The following MRPS28 variants were observed in gnomAD, a reference collection of about 807,000 sequenced individuals.
MRPS28 encodes small ribosomal subunit protein bS1m.
Under a neutral mutation model 10.8 loss-of-function variants are expected in MRPS28, and 7 were observed. The observed-to-expected ratio is 0.65, with a 90% CI of 0.37 to 1.22. The LOEUF (loss-of-function observed/expected upper bound fraction) is 1.22. Ranked by LOEUF, MRPS28 falls within the 50% of genes most tolerant of loss-of-function variation. MRPS28 has a pLI of 0.02. For missense variants in MRPS28, 265 were observed against 232.9 expected (o/e 1.14, Z -0.90); for synonymous variants, 121 against 93.3 (o/e 1.30, Z -1.71).
At chr8:79,973,190 G>T (rs1229622871) in intron 2 of MRPS28, among the ~76,000 whole-genome samples, 1 of 152,090 alleles carries the variant, frequency 6.6e-6, no homozygotes. Flanking sequence ...GTACATTCTG[G>T]ATGTCAAGGG....
At position 80,030,152 on chromosome 8, in the gene MRPS28, T is replaced by G; in HGVS notation, c.97A>C (p.Ser33Arg). 6.2e-7 allele frequency: 1 copy of G among 1,612,678 alleles called. No individual in the cohort carries two copies. The highest frequency in any genetic ancestry group is 8.5e-7 in the Non-Finnish European group (1 of 1,180,022). The change falls in exon 1 of 3, where the codon AGT (serine) becomes CGT (arginine). Residue 33 changes from serine (S) to arginine (R), a missense_variant. Ser to Arg is a moderately radical substitution (Grantham distance 110, BLOSUM62 -1). Coordinates refer to ENST00000276585, the MANE Select transcript of MRPS28 (RefSeq NM_014018.3). ...TTGGAACTACCACTTTCGGATCCACTCTCAGTGCCTACACCCCGAAAGGGC... is the reference window on the plus strand; with the variant it reads ...TTGGAACTACCACTTTCGGATCCACGCTCAGTGCCTACACCCCGAAAGGGC... Reference protein sequence around the residue: ...FRPFRGVGTESGSESGSSNAK... With the variant: ...FRPFRGVGTERGSESGSSNAK...
intron 2 of MRPS28, among the ~76,000 whole-genome samples, chr8:79,994,060 T>C (rs1388561301): frequency 1.3e-5 from 2 of 152,206 alleles, no homozygotes; most frequent in Non-Finnish European, 1.5e-5. Context: ...AGAGCCAGCA[T>C]AGAGACAATG....
chr8:79,998,030 G>A (rs569303864), intron 2 of MRPS28, among the ~76,000 whole-genome samples: 19 of 150,810 alleles, frequency 1.3e-4, no homozygotes, highest in Admixed American at 6.6e-4. Flanking sequence ...ACTCCAGCCT[G>A]GGTGACAGAA....
At chr8:80,021,453 G>C (rs879860131) in intron 1 of MRPS28, among the ~76,000 whole-genome samples, 1 of 152,168 alleles carries the variant, frequency 6.6e-6, no homozygotes, top group Non-Finnish European at 1.5e-5. Context: ...AGTTACAAAA[G>C]GAGACTGGAC....
chr8:79,947,575 T>C (rs1806951843), intron 2 of MRPS28, among the ~76,000 whole-genome samples: 2 of 151,932 alleles, frequency 1.3e-5, no homozygotes, highest in South Asian at 4.1e-4. Context: ...CCTGTTGTTG[T>C]ATTTTGTAGT....
intron 2 of MRPS28, among the ~76,000 whole-genome samples, chr8:79,928,013 T>TA (rs1367856649): frequency 6.6e-6 from 1 of 152,040 alleles, no homozygotes; most frequent in African/African-American, 2.4e-5. Context: ...TGACCAGGCT[T>TA]ATGTTAAGTA....
chr8:80,003,279 T>C (rs1482069863), intron 1 of MRPS28, 99 bp from the exon 2 acceptor site: 4 of 922,636 alleles, frequency 4.3e-6, no homozygotes, highest in Middle Eastern at 2.9e-4. Flanking sequence ...GTAGCAATAA[T>C]TTTAAAATAT....
intron 2 of MRPS28, among the ~76,000 whole-genome samples, chr8:79,944,205 T>C (rs1352191867): frequency 6.6e-6 from 1 of 152,236 alleles, no homozygotes; most frequent in Non-Finnish European, 1.5e-5. Context: ...CAGAATGCAG[T>C]GGAGCATGGA....
chr8:79,920,594 T>G lies in MRPS28; in HGVS notation c.396-1446A>C, dbSNP rs943981678. Among the ~76,000 whole-genome samples, 6 of 152,246 alleles carry G rather than the reference T, an allele frequency of 3.9e-5. No homozygotes were observed. In the East Asian group the frequency reaches 9.6e-4, roughly 24 times the overall value. On this transcript the variant is annotated intron_variant, in intron 2 of 2. Coordinates refer to ENST00000276585, the MANE Select transcript of MRPS28 (RefSeq NM_014018.3). The stretch of plus-strand genomic sequence containing the variant: ...TTTTGGTTGCATAAATGTCTTCTTT[T>G]GAGAAGTATCTGTTCATATCCTTCA...
At chr8:79,926,945 G>A (rs1297080229) in intron 2 of MRPS28, among the ~76,000 whole-genome samples, 3 of 152,152 alleles carry the variant, frequency 2.0e-5, no homozygotes, top group Non-Finnish European at 2.9e-5. Flanking sequence ...CTGGTCTCCC[G>A]ACTGTTCAAC....
intron 2 of MRPS28, among the ~76,000 whole-genome samples, chr8:79,949,307 G>T (rs1414017569): frequency 6.6e-6 from 1 of 151,992 alleles, no homozygotes; most frequent in Non-Finnish European, 1.5e-5. Flanking sequence ...CCAGGTACTT[G>T]GGAGGCTAAA....
chr8:79,986,849 C>A (rs1190411600), intron 2 of MRPS28, among the ~76,000 whole-genome samples: 1 of 151,994 alleles, frequency 6.6e-6, no homozygotes, highest in Non-Finnish European at 1.5e-5. Flanking sequence ...GGCCATACTG[C>A]CCAAGGTAAT....
intron 2 of MRPS28, among the ~76,000 whole-genome samples, chr8:79,992,008 G>A (rs1216825193): frequency 6.6e-6 from 1 of 150,428 alleles, no homozygotes; most frequent in Non-Finnish European, 1.5e-5. Flanking sequence ...CACTCATGCA[G>A]CCCATCAATG....
chr8:80,025,902 G>A (rs148255973), intron 1 of MRPS28, among the ~76,000 whole-genome samples: 1,934 of 152,170 alleles, frequency 0.013, 13 homozygotes, highest in South Asian at 0.037. Context: ...TTCATACTAC[G>A]AACCAATTAA....
chr8:80,003,569 G>C (rs1433113176), intron 1 of MRPS28, among the ~76,000 whole-genome samples: 1 of 152,206 alleles, frequency 6.6e-6, no homozygotes, highest in African/African-American at 2.4e-5. Flanking sequence ...CCCAGCGTGA[G>C]TGACCCAGAA....
chr8:79,959,163 A>G (rs749749618), intron 2 of MRPS28, among the ~76,000 whole-genome samples: 1 of 152,114 alleles, frequency 6.6e-6, no homozygotes, highest in South Asian at 2.1e-4. Flanking sequence ...AACTAATGAC[A>G]TTCTATTGCT....
chr8:79,952,263 T>C (rs1007532860), intron 2 of MRPS28, among the ~76,000 whole-genome samples: 3 of 152,226 alleles, frequency 2.0e-5, no homozygotes, highest in Non-Finnish European at 4.4e-5. Context: ...TTCATATCGA[T>C]TGAGAAGTAC....
At chr8:79,930,853 A>G (rs1806444525) in intron 2 of MRPS28, among the ~76,000 whole-genome samples, 1 of 152,194 alleles carries the variant, frequency 6.6e-6, no homozygotes, top group Non-Finnish European at 1.5e-5. Flanking sequence ...CTTTGAAATA[A>G]AATTCTGCAA....
At chr8:79,975,834 G>C (rs1373697673) in intron 2 of MRPS28, among the ~76,000 whole-genome samples, 2 of 151,744 alleles carry the variant, frequency 1.3e-5, no homozygotes, top group African/African-American at 4.8e-5. Context: ...TTTATTATAA[G>C]GAAATAATCA....
Sources: allele counts gnomAD v4.1 joint callset (sites outside exome capture counted in the v4.1 genomes callset), GRCh38; gene constraint gnomAD v4.1.1; transcripts MANE v1.5; gene names NCBI Gene and HGNC (gene_info 2026-07-23, HGNC 2026-07-21).